The following ALG6 variants were observed in gnomAD, a reference collection of about 807,000 sequenced individuals.
The protein encoded by ALG6 is dolichyl pyrophosphate Man9GlcNAc2 alpha-1,3-glucosyltransferase.
Under a neutral mutation model 66.6 loss-of-function variants are expected in ALG6, and 46 were observed. The ratio of observed to expected loss-of-function variants is 0.69; its 90% CI spans 0.55 to 0.88. The LOEUF (loss-of-function observed/expected upper bound fraction) is 0.88, where lower values mean the gene tolerates loss of function less well. Among genes scored for constraint, ALG6 ranks in the 40% least tolerant of loss-of-function variants. The pLI is 0.00. For synonymous variants in ALG6, 185 were observed against 203.7 expected, an observed-to-expected ratio of 0.91 and a Z score of 0.78; for missense variants, 505 against 586.8, an observed-to-expected ratio of 0.86 and a Z score of 1.44.
chr1:63,406,390 T>A lies in ALG6; in HGVS notation c.420T>A (p.Thr140=), dbSNP rs150097046. ...LYCCCLKEIS[T]KKKIANALCI... ...GTTGTTGCTTAAAAGAAATCTCAAC[T>A]AAGAAAAAGGTAGGTTTTCAAGCAG... The change falls in exon 6 of 15, where the codon ACT becomes ACA. Residue 140 remains threonine (T), a synonymous_variant. Coordinates refer to ENST00000263440, the MANE Select transcript of ALG6 (RefSeq NM_013339.4). The A allele has an allele frequency of 6.2e-7, 1 of 1,612,882 alleles. No individual in the cohort carries two copies. The highest frequency in any genetic ancestry group is 1.7e-5 in the Admixed American group (1 of 59,992).
intron 1 of ALG6, among the ~76,000 whole-genome samples, chr1:63,368,626 G>C (rs1392693890): frequency 6.6e-6 from 1 of 151,828 alleles, no homozygotes; most frequent in Non-Finnish European, 1.5e-5. Flanking sequence ...TCAGCCTCAC[G>C]AGTAGCTGGG....
At chr1:63,403,446 G>A (rs942261521) in intron 4 of ALG6, among the ~76,000 whole-genome samples, 6 of 152,170 alleles carry the variant, frequency 3.9e-5, no homozygotes, top group African/African-American at 1.4e-4. Context: ...AGGAACTTCT[G>A]TTTTGGTAAA....
intron 2 of ALG6, among the ~76,000 whole-genome samples, chr1:63,380,529 T>C (rs572083752): frequency 6.6e-6 from 1 of 152,350 alleles, no homozygotes; most frequent in East Asian, 1.9e-4. Flanking sequence ...TTATTTAGTT[T>C]GCAATCTTTT....
intron 3 of ALG6, among the ~76,000 whole-genome samples, chr1:63,401,636 C>T (rs1279704558): frequency 6.6e-6 from 1 of 151,020 alleles, no homozygotes; most frequent in Non-Finnish European, 1.5e-5. Flanking sequence ...GAGATTGCGC[C>T]ACTGCACTCC....
chr1:63,392,172 A>AT (rs200471280), intron 2 of ALG6, among the ~76,000 whole-genome samples: 13,774 of 144,924 alleles, frequency 0.095, 743 homozygotes, highest in African/African-American at 0.17. Flanking sequence ...TAAAAGGATG[A>AT]TTTTTTTTTT....
chr1:63,399,598 T>C (rs891208831), intron 3 of ALG6, among the ~76,000 whole-genome samples: 1 of 152,220 alleles, frequency 6.6e-6, no homozygotes, highest in Non-Finnish European at 1.5e-5. Context: ...CTTATAAAAC[T>C]TTCTACATTT....
intron 11 of ALG6, among the ~76,000 whole-genome samples, chr1:63,418,595 T>C (rs1393986312): frequency 2.0e-5 from 3 of 152,080 alleles, no homozygotes; most frequent in African/African-American, 7.2e-5. Context: ...TATTGGAGGA[T>C]TTTAAACAGG....
intron 4 of ALG6, 114 bp downstream of exon 4, chr1:63,402,457 T>G (rs1644469488): frequency 5.2e-6 from 3 of 577,150 alleles, no homozygotes; most frequent in Admixed American, 6.6e-5. Flanking sequence ...TAGCTGCTAT[T>G]GTATTTTTTT....
intron 14 of ALG6, among the ~76,000 whole-genome samples, chr1:63,430,073 G>A (rs1644638072): frequency 1.3e-5 from 2 of 151,990 alleles, no homozygotes; most frequent in Admixed American, 6.6e-5. Context: ...AGTAGAGATG[G>A]GATTTCAGTA....
chr1:63,428,761 C>T lies in ALG6; in HGVS notation c.1087C>T (p.Pro363Ser), dbSNP rs952006163. Residue 363 changes from proline (P) to serine (S), a missense_variant, in exon 13 of 15, where the codon CCT (proline) becomes TCT (serine). Physicochemically the swap from Pro to Ser is moderately conservative, Grantham distance 74. Coordinates refer to ENST00000263440, the MANE Select transcript of ALG6 (RefSeq NM_013339.4). The stretch of plus-strand genomic sequence containing the variant: ...AGTCTGCTTAGTTTTAAGTGAAATT[C>T]CTTTTATGTCTACTTGGTTTTTACT... ...LPVCLVLSEI[P>S]FMSTWFLLVS... is the part of the protein sequence containing the mutation. 3.7e-6 allele frequency: 6 copies of T among 1,608,732 alleles called. No individual in the cohort carries two copies. The highest frequency in any genetic ancestry group is 5.1e-6 in the Non-Finnish European group (6 of 1,176,742).
intron 1 of ALG6, among the ~76,000 whole-genome samples, chr1:63,369,654 A>AC (rs1274123140): frequency 2.0e-5 from 3 of 151,178 alleles, no homozygotes; most frequent in Non-Finnish European, 2.9e-5. Flanking sequence ...AAAAACAAAT[A>AC]AAATAAAATA....
At chr1:63,397,346 C>T (rs995009515) in intron 3 of ALG6, among the ~76,000 whole-genome samples, 2 of 151,854 alleles carry the variant, frequency 1.3e-5, no homozygotes, top group Admixed American at 6.6e-5. Context: ...TCACCATGCC[C>T]GGCTAATTTT....
intron 14 of ALG6, among the ~76,000 whole-genome samples, chr1:63,432,110 C>T (rs1181168257): frequency 6.6e-6 from 1 of 152,136 alleles, no homozygotes; most frequent in Non-Finnish European, 1.5e-5. Context: ...TGGTCTGTCA[C>T]CATTAACTAT....
chr1:63,367,838 C>T (rs1482841834), intron 1 of ALG6, among the ~76,000 whole-genome samples, 151 bp downstream of exon 1: 1 of 152,214 alleles, frequency 6.6e-6, no homozygotes, highest in Non-Finnish European at 1.5e-5. Flanking sequence ...CTCCCCAGCC[C>T]TTCCTGCAGG....
At chr1:63,392,424 G>A (rs992337577) in intron 2 of ALG6, among the ~76,000 whole-genome samples, 1 of 152,036 alleles carries the variant, frequency 6.6e-6, no homozygotes, top group South Asian at 2.1e-4. Context: ...GCCCACCTTG[G>A]CCTCCCAAAG....
intron 2 of ALG6, among the ~76,000 whole-genome samples, chr1:63,383,141 G>A (rs1244645575): frequency 2.6e-5 from 4 of 151,214 alleles, no homozygotes; most frequent in African/African-American, 4.9e-5. Flanking sequence ...ATAGAGTCTC[G>A]CTCCATTGCC....
chr1:63,393,177 T>C (rs1033667170), intron 2 of ALG6, among the ~76,000 whole-genome samples: 2 of 152,218 alleles, frequency 1.3e-5, no homozygotes, highest in African/African-American at 4.8e-5. Flanking sequence ...TATTCAATGG[T>C]TGTATTCTTT....
In ALG6 at chr1:63,367,705, C is replaced by G. The variant is rs912693165; in HGVS notation, c.-208+18C>G. On this transcript the variant is annotated intron_variant, in intron 1 of 14. Transcript: ENST00000263440. The stretch of plus-strand genomic sequence containing the variant: ...GCGGCGGGGTAAGAGCATGGGATCC[C>G]GGAGGTTCCGGACCCCAGGCCAGTG... The G allele has an allele frequency of 3.3e-5, 5 of 152,264 alleles. No homozygotes were observed. The highest frequency in any genetic ancestry group is 1.9e-4 in the East Asian group (1 of 5,134). The allele number at this position is 152,264 out of a possible 1,614,324, so 9.4% of individuals were successfully genotyped here.
At chr1:63,427,148 G>A (rs1023694595) in intron 12 of ALG6, among the ~76,000 whole-genome samples, 3 of 150,282 alleles carry the variant, frequency 2.0e-5, no homozygotes, top group South Asian at 2.1e-4. Context: ...TTACAGGCAC[G>A]CACCACCGTG....
Sources: allele counts gnomAD v4.1 joint callset (sites outside exome capture counted in the v4.1 genomes callset), GRCh38; gene constraint gnomAD v4.1.1; transcripts MANE v1.5; gene names NCBI Gene and HGNC (gene_info 2026-07-23, HGNC 2026-07-21).